CFTR: variants seen among roughly 807,000 people sequenced by gnomAD.
CFTR encodes cystic fibrosis transmembrane conductance regulator.
A neutral mutation model predicts 171.6 loss-of-function variants in CFTR; 181 were observed. The observed-to-expected ratio is 1.05, with a 90% CI of 0.93 to 1.19. The LOEUF is 1.19. Among genes scored for constraint, CFTR ranks in the 50% most tolerant of loss-of-function variants. CFTR has a pLI of 0.00. For missense variants in CFTR, 1,968 were observed against 1,734.7 expected, an observed-to-expected ratio of 1.13 and a Z score of -2.39; for synonymous variants, 583 against 608.0, an observed-to-expected ratio of 0.96 and a Z score of 0.60.
Position 117,560,495 on chromosome 7 carries a change from A to G in CFTR, c.1584+840A>G, listed in dbSNP as rs1799445736. On this transcript the variant is annotated intron_variant, in intron 11 of 26. Transcript: ENST00000003084. The stretch of plus-strand genomic sequence containing the variant: ...CTTTATATAATCTTTTATGAAAAAA[A>G]TTGCAGAGAAAGTAAAATGTAGCTT... 4.6e-5 allele frequency among the ~76,000 whole-genome samples: 7 copies of G among 152,256 alleles called. No homozygotes were observed. In the South Asian group the frequency reaches 1.4e-3, roughly 32 times the overall value.
intron 10 of CFTR, among the ~76,000 whole-genome samples, chr7:117,553,510 G>A (rs1196103101): frequency 6.6e-6 from 1 of 152,092 alleles, no homozygotes; most frequent in Non-Finnish European, 1.5e-5. Flanking sequence ...GTACCAATTC[G>A]TACTCATGCC....
chr7:117,606,390 T>C (rs1156856704), intron 17 of CFTR, among the ~76,000 whole-genome samples: 1 of 152,194 alleles, frequency 6.6e-6, no homozygotes, highest in Non-Finnish European at 1.5e-5. Context: ...ATTCCTGACA[T>C]AATTTATAGT....
chr7:117,499,689 C>T (rs889902495), intron 1 of CFTR, among the ~76,000 whole-genome samples: 2 of 151,318 alleles, frequency 1.3e-5, no homozygotes, highest in African/African-American at 4.9e-5. Context: ...GTGGTGGTGG[C>T]TCATGCCTGT....
intron 7 of CFTR, among the ~76,000 whole-genome samples, chr7:117,539,263 A>T (rs933731841): frequency 1.3e-5 from 2 of 152,176 alleles, no homozygotes; most frequent in African/African-American, 4.8e-5. Context: ...CATATGTATT[A>T]AAAAAATAAT....
intron 5 of CFTR, among the ~76,000 whole-genome samples, chr7:117,534,795 T>C (rs1464204650): frequency 6.6e-6 from 1 of 152,216 alleles, no homozygotes; most frequent in Admixed American, 6.5e-5. Context: ...CCACAGCTGG[T>C]ACAAAATTAA....
intron 10 of CFTR, among the ~76,000 whole-genome samples, chr7:117,550,114 T>C (rs1031644780): frequency 9.2e-5 from 14 of 152,072 alleles, no homozygotes; most frequent in Non-Finnish European, 2.1e-4. Context: ...GGCAGGTGAA[T>C]TGCTTGAGTC....
chr7:117,600,244 G>C (rs891324541), intron 15 of CFTR, among the ~76,000 whole-genome samples: 2 of 151,996 alleles, frequency 1.3e-5, no homozygotes, highest in East Asian at 1.9e-4. Flanking sequence ...AGTATCTTTT[G>C]TAAGTTCTTA....
intron 21 of CFTR, among the ~76,000 whole-genome samples, chr7:117,619,778 G>C (rs1266907813): frequency 6.6e-6 from 1 of 152,162 alleles, no homozygotes; most frequent in Non-Finnish European, 1.5e-5. Context: ...AGTCTGCAAG[G>C]CTTGTGGATA....
In CFTR at chr7:117,630,431, A is replaced by G. The variant is rs539643521; in HGVS notation, c.3717+2661A>G. On this transcript the variant is annotated intron_variant, in intron 22 of 26. Transcript: ENST00000003084. The stretch of plus-strand genomic sequence containing the variant: ...TGAACAAGTAAAGGTGGTGTTGCAG[A>G]ATTTTGCTCCTTAGTTCTATTAAAA... Among the ~76,000 whole-genome samples, 5 of 152,316 alleles carry G rather than the reference A, an allele frequency of 3.3e-5. No homozygotes were observed. The South Asian group carries it at 1.0e-3, about 32-fold the overall frequency.
chr7:117,544,359 T>C (rs1799104482), intron 9 of CFTR, among the ~76,000 whole-genome samples: 1 of 152,212 alleles, frequency 6.6e-6, no homozygotes. Context: ...TCCTTTACCA[T>C]TTCCCTAAAG....
chr7:117,592,679 G>T, intron 14 of CFTR, 22 bp downstream of exon 14: 6 of 1,494,254 alleles, frequency 4.0e-6, no homozygotes, highest in Non-Finnish European at 4.4e-6. Context: ...TCGCTTGGGG[G>T]TATTTCACCC....
chr7:117,502,054 A>AGTTTTT (rs1486081986), intron 1 of CFTR, among the ~76,000 whole-genome samples: 2 of 152,158 alleles, frequency 1.3e-5, no homozygotes, highest in African/African-American at 2.4e-5. Flanking sequence ...GCCGTAAGTC[A>AGTTTTT]GTTTTTGTTT....
At chr7:117,501,776 C>CAAAAAAAAAAAAAAAAAAAAAAACA (rs796991857) in intron 1 of CFTR, among the ~76,000 whole-genome samples, 1 of 84,340 alleles carries the variant, frequency 1.2e-5, no homozygotes, top group Non-Finnish European at 2.7e-5. Flanking sequence ...AAAAAAGAAA[C>CAAAAAAAAAAAAAAAAAAAAAAACA]AAAAAAAAAA....
At chr7:117,623,137 A>G (rs1297613709) in intron 21 of CFTR, among the ~76,000 whole-genome samples, 6 of 152,206 alleles carry the variant, frequency 3.9e-5, no homozygotes, top group Admixed American at 2.6e-4. Context: ...GCTAAACTCT[A>G]ATATACAGAG....
chr7:117,634,774 T>C (rs1212251291), intron 22 of CFTR, among the ~76,000 whole-genome samples: 1 of 152,160 alleles, frequency 6.6e-6, no homozygotes, highest in Non-Finnish European at 1.5e-5. Flanking sequence ...ATCTTTCTGT[T>C]ATTGATTTCT....
rs1270931667 is a variant in CFTR, at chr7:117,587,560, T to TTTTAGATTGGTCA, written c.1585-179_1585-178insTTTAGATTGGTCA. On this transcript the variant is annotated intron_variant, in intron 11 of 26. Transcript: ENST00000003084. ...AAATTTACATCTAAAATTTCAGCAA[T>TTTTAGATTGGTCA]GTTGTTTTTGACCAACTAAATAAAT... Among the ~76,000 whole-genome samples the TTTTAGATTGGTCA allele has an allele frequency of 6.6e-5, 10 of 152,328 alleles. No homozygotes were observed. The East Asian group carries it at 1.9e-3, about 29-fold the overall frequency.
intron 24 of CFTR, among the ~76,000 whole-genome samples, chr7:117,657,259 T>C (rs185882998): frequency 5.1e-4 from 77 of 152,254 alleles, no homozygotes; most frequent in Non-Finnish European, 5.9e-5. Flanking sequence ...AATGCAAAAT[T>C]TTTACCTGTT....
intron 20 of CFTR, among the ~76,000 whole-genome samples, chr7:117,612,454 T>A (rs1792422705): frequency 6.6e-6 from 1 of 152,068 alleles, no homozygotes; most frequent in Non-Finnish European, 1.5e-5. Context: ...TTTAGGATCT[T>A]TAGTGAAAAA....
In CFTR at chr7:117,611,607, G is replaced by C; in HGVS notation, c.3166G>C (p.Val1056Leu). The C allele has an allele frequency of 6.2e-7, 1 of 1,612,242 alleles. No individual in the cohort carries two copies. Among genetic ancestry groups the C allele is most frequent in the Non-Finnish European group, 8.5e-7 (1 of 1,178,628 alleles). ...CAGGAGTCCAATTTTCACTCATCTT[G>C]TTACAAGCTTAAAAGGACTATGGAC... is the stretch of plus-strand genomic sequence containing the variant. ...EGRSPIFTHLVTSLKGLWTLR... is the reference protein window; with the variant it reads ...EGRSPIFTHLLTSLKGLWTLR... Residue 1056 changes from valine (V) to leucine (L), a missense_variant, in exon 20 of 27, where the codon GTT becomes CTT. By Grantham distance (32) the Val-to-Leu change is conservative. Transcript: ENST00000003084.
Sources: gnomAD v4.1 joint callset for allele counts (sites outside exome capture counted in the v4.1 genomes callset) on GRCh38, gnomAD v4.1.1 for gene constraint, MANE v1.5 for transcripts, NCBI Gene and HGNC (gene_info 2026-07-23, HGNC 2026-07-21) for gene names.